Variants in RBFOX1 observed in about 807,000 individuals in gnomAD.
RBFOX1 encodes RNA binding protein fox-1 homolog 1.
A neutral mutation model predicts 57.7 loss-of-function variants in RBFOX1; 8 were observed. The observed-to-expected ratio is 0.14, with a 90% CI of 0.08 to 0.25. The LOEUF is 0.25. Among genes scored for constraint, RBFOX1 ranks in the 10% least tolerant of loss-of-function variants. The pLI is 1.00. For synonymous variants in RBFOX1, 326 were observed against 222.4 expected, an observed-to-expected ratio of 1.47 and a Z score of -4.15; for missense variants, 611 against 548.5, an observed-to-expected ratio of 1.11 and a Z score of -1.14.
At chr16:7,495,416 C>G (rs1345181947) in intron 4 of RBFOX1, among the ~76,000 whole-genome samples, 1 of 152,192 alleles carries the variant, frequency 6.6e-6, no homozygotes, top group South Asian at 2.1e-4. Context: ...AGTGGCTGAA[C>G]TAATTTTACA....
At position 7,197,780 on chromosome 16, in the gene RBFOX1, T is replaced by C. The variant is rs1464444692; in HGVS notation, c.27+145682T>C. The stretch of plus-strand genomic sequence containing the variant: ...TGGAGTACTGATACATGCTACAATG[T>C]AGATGAGAGCATTATGCTAAGGGAA... On this transcript the variant is annotated intron_variant, in intron 4 of 15. Transcript: ENST00000550418. Among the ~76,000 whole-genome samples, 6 of 152,232 alleles carry C rather than the reference T, an allele frequency of 3.9e-5. No homozygotes were observed. In the East Asian group the frequency reaches 1.2e-3, roughly 29 times the overall value.
chr16:7,111,672 C>G (rs534706821), intron 4 of RBFOX1, among the ~76,000 whole-genome samples: 1 of 152,004 alleles, frequency 6.6e-6, no homozygotes, highest in South Asian at 2.1e-4. Context: ...ATACCTGTGC[C>G]TTGTATAAAA....
In RBFOX1 at chr16:6,576,605, A is replaced by C. The variant is rs188804145; in HGVS notation, c.-63-77998A>C. Among the ~76,000 whole-genome samples, 267 of 152,220 alleles carry C rather than the reference A, an allele frequency of 1.8e-3. 2 individuals are homozygous for C. The highest frequency in any genetic ancestry group is 6.3e-3 in the African/African-American group (262 of 41,512). ...GTCCTCTGAACCTTCTTTGAACTCC[A>C]ACTGGGAGGAAATAACAGCTAATGG... is the stretch of plus-strand genomic sequence containing the variant. On this transcript the variant is annotated intron_variant, in intron 2 of 15. Transcript: ENST00000550418.
intron 3 of RBFOX1, among the ~76,000 whole-genome samples, chr16:5,738,654 A>AAAAAAAAAAAC (rs2052667703): frequency 6.6e-6 from 1 of 151,606 alleles, no homozygotes; most frequent in Non-Finnish European, 1.5e-5. Flanking sequence ...AAAAAAAAAA[A>AAAAAAAAAAAC]AGGGAAATCT....
intron 3 of RBFOX1, among the ~76,000 whole-genome samples, chr16:5,641,165 AC>A (rs904896400): frequency 7.9e-5 from 12 of 151,798 alleles, no homozygotes; most frequent in African/African-American, 2.9e-4. Context: ...GCATGTACAC[AC>A]ATGCACACCA....
chr16:5,740,914 A>G (rs2052748553), intron 3 of RBFOX1, among the ~76,000 whole-genome samples: 1 of 152,184 alleles, frequency 6.6e-6, no homozygotes, highest in African/African-American at 2.4e-5. Context: ...TTTGTTGTGT[A>G]CTACCCTGGA....
chr16:6,162,776 C>T (rs368738926), intron 1 of RBFOX1, among the ~76,000 whole-genome samples: 1 of 152,148 alleles, frequency 6.6e-6, no homozygotes, highest in African/African-American at 2.4e-5. Flanking sequence ...CTCTGTCACC[C>T]AGGCTAAACT....
At chr16:6,043,088 A>G (rs2095456084) in intron 1 of RBFOX1, among the ~76,000 whole-genome samples, 2 of 138,670 alleles carry the variant, frequency 1.4e-5, no homozygotes, top group African/African-American at 5.3e-5. Context: ...ATTATACTGC[A>G]GCCTGGGCGA....
chr16:5,785,070 G>C (rs2054454134), intron 3 of RBFOX1, among the ~76,000 whole-genome samples: 1 of 148,480 alleles, frequency 6.7e-6, no homozygotes, highest in African/African-American at 2.5e-5. Context: ...TGTGTAGATA[G>C]TGGTGTCACA....
intron 13 of RBFOX1, among the ~76,000 whole-genome samples, chr16:7,670,190 C>T (rs1335375172): frequency 6.6e-6 from 1 of 152,084 alleles, no homozygotes; most frequent in East Asian, 1.9e-4. Context: ...CACCACGACG[C>T]CTGGCTAATT....
chr16:6,672,507 A>G (rs962529351), intron 3 of RBFOX1, among the ~76,000 whole-genome samples: 5 of 151,924 alleles, frequency 3.3e-5, no homozygotes, highest in African/African-American at 1.2e-4. Flanking sequence ...GAAGAAAGGA[A>G]GGAAGATGGG....
At chr16:6,779,899 TTA>T (rs1453512068) in intron 3 of RBFOX1, among the ~76,000 whole-genome samples, 8 of 6,520 alleles carry the variant, frequency 1.2e-3, no homozygotes, top group South Asian at 5.6e-3. Context: ...TTATATATAT[TTA>T]TATATATTTA....
chr16:5,782,326 C>T (rs945986848), intron 3 of RBFOX1, among the ~76,000 whole-genome samples: 2 of 152,132 alleles, frequency 1.3e-5, no homozygotes, highest in African/African-American at 4.8e-5. Flanking sequence ...GGTGCTTCAT[C>T]CAAGAATGTT....
At chr16:5,827,722 TC>T (rs1406715907) in intron 3 of RBFOX1, among the ~76,000 whole-genome samples, 11 of 152,172 alleles carry the variant, frequency 7.2e-5, no homozygotes, top group Admixed American at 7.2e-4. Context: ...TAATTCTAAG[TC>T]CCCTTGCTAT....
At position 5,671,401 on chromosome 16, in the gene RBFOX1, C is replaced by G. The variant is rs574982457; in HGVS notation, c.318+72440C>G. On this transcript the variant is annotated intron_variant, in intron 3 of 19. Coordinates refer to the RBFOX1 transcript ENST00000641259. ...ATCCGGTTCTTTTCTATACACTTCA[C>G]TGAGGCATTTGATATATTTGTGCTG... is the stretch of plus-strand genomic sequence containing the variant. Among the ~76,000 whole-genome samples, 10 of 152,308 alleles carry G rather than the reference C, an allele frequency of 6.6e-5. No homozygotes were observed. In the East Asian group the frequency reaches 1.9e-3, roughly 29 times the overall value.
In RBFOX1 at chr16:7,005,581, A is replaced by T. The variant is rs9932054; in HGVS notation, c.-15-46476A>T. Among the ~76,000 whole-genome samples the T allele has an allele frequency of 2.0e-5, 3 of 152,086 alleles. No individual in the cohort carries two copies. The East Asian group carries it at 5.8e-4, about 29-fold the overall frequency. ...GGAAAAGCAGCTCCTGAAAGATCCT[A>T]TTAGTGATGGCTTGGTGTTGGTAGG... On this transcript the variant is annotated intron_variant, in intron 3 of 15. Transcript: ENST00000550418.
intron 3 of RBFOX1, among the ~76,000 whole-genome samples, chr16:6,665,760 C>T (rs191846439): frequency 0.015 from 2,248 of 149,768 alleles, 55 homozygotes; most frequent in African/African-American, 0.052. Context: ...TGCCATAGAC[C>T]ATTTTTTAGT....
At chr16:5,982,051 C>G (rs2060185086) in intron 4 of RBFOX1, among the ~76,000 whole-genome samples, 1 of 152,184 alleles carries the variant, frequency 6.6e-6, no homozygotes, top group Non-Finnish European at 1.5e-5. Context: ...AAGGCCAGGA[C>G]ACATCTCTGC....
At chr16:6,781,120 G>A (rs576047030) in intron 3 of RBFOX1, among the ~76,000 whole-genome samples, 1 of 152,056 alleles carries the variant, frequency 6.6e-6, no homozygotes, top group African/African-American at 2.4e-5. Flanking sequence ...TAGCTTCATT[G>A]GTCCAGGTCT....
Sources: gnomAD v4.1 joint callset for allele counts (sites outside exome capture counted in the v4.1 genomes callset) on GRCh38, gnomAD v4.1.1 for gene constraint, MANE v1.5 for transcripts, NCBI Gene and HGNC (gene_info 2026-07-23, HGNC 2026-07-21) for gene names.